ZCCHC17: variants seen among roughly 807,000 people sequenced by gnomAD.
ZCCHC17 encodes zinc finger CCHC domain-containing protein 17.
ZCCHC17 carries 18 observed loss-of-function variants against 30.6 expected under a neutral mutation model. That is an observed-to-expected ratio of 0.59 (90% CI 0.41 to 0.87). The LOEUF (loss-of-function observed/expected upper bound fraction) is 0.87, where lower values mean the gene tolerates loss of function less well. ZCCHC17 is among the 40% of genes least tolerant of loss of function. The probability of loss-of-function intolerance (pLI) is 0.00; values close to 1 mark genes in which losing one functional copy is unlikely to be tolerated. For missense variants in ZCCHC17, 263 were observed against 284.2 expected (o/e 0.93, Z 0.54); for synonymous variants, 88 against 92.4 (o/e 0.95, Z 0.27).
intron 3 of ZCCHC17, among the ~76,000 whole-genome samples, chr1:31,325,752 C>A (rs970835716): frequency 6.6e-6 from 1 of 152,246 alleles, no homozygotes; most frequent in African/African-American, 2.4e-5. Context: ...ATGCAGCCTG[C>A]CAGGCCAAGT....
intron 2 of ZCCHC17, among the ~76,000 whole-genome samples, chr1:31,316,827 G>T (rs1646744372): frequency 6.6e-6 from 1 of 152,016 alleles, no homozygotes; most frequent in African/African-American, 2.4e-5. Context: ...AGAACTTTTG[G>T]TTCGTAACCC....
In ZCCHC17 at chr1:31,303,320, CATT is replaced by C. The variant is rs1394261617; in HGVS notation, c.-56+6249_-56+6251del. On this transcript the variant is annotated intron_variant, in intron 1 of 7. Coordinates refer to ENST00000344147, the MANE Select transcript of ZCCHC17 (RefSeq NM_016505.4). Reference sequence around the variant, plus strand: ...AAGCAAACAGTGCAGGCTCTGGAGTCATTATTCTGTCTCTGTTCATATCCTAGT... The same window carrying C: ...AAGCAAACAGTGCAGGCTCTGGAGTCATTCTGTCTCTGTTCATATCCTAGT... Among the ~76,000 whole-genome samples, 4 of 152,242 alleles carry C rather than the reference CATT, an allele frequency of 2.6e-5. No individual in the cohort carries two copies. In the East Asian group the frequency reaches 7.7e-4, roughly 29 times the overall value.
intron 3 of ZCCHC17, among the ~76,000 whole-genome samples, chr1:31,336,006 T>C (rs1197829502): frequency 6.6e-6 from 1 of 152,220 alleles, no homozygotes; most frequent in Non-Finnish European, 1.5e-5. Context: ...TTTATGGTTC[T>C]TATATATTTT....
rs756450998 is a variant in ZCCHC17, at chr1:31,310,110, A to G, written c.12A>G (p.Gly4=). The G allele has an allele frequency of 2.8e-5, 45 of 1,613,916 alleles. No homozygotes were observed. The highest frequency in any genetic ancestry group is 3.6e-5 in the Non-Finnish European group (42 of 1,179,948). ...ATAGAATATTAAGGATGAATTCAGG[A>G]AGGCCTGAGACCATGGAAAACTTGC... MNS[G]RPETMENLPA... Residue 4 remains glycine, a synonymous_variant, in exon 2 of 8, where the codon GGA becomes GGG. Transcript: ENST00000344147.
At chr1:31,354,129 T>A (rs1253274543) in intron 7 of ZCCHC17, among the ~76,000 whole-genome samples, 1 of 152,194 alleles carries the variant, frequency 6.6e-6, no homozygotes, top group East Asian at 1.9e-4. Flanking sequence ...CATTTTGTAA[T>A]TTTCTGTATA....
Position 31,319,135 on chromosome 1 carries a change from C to G in ZCCHC17, c.93C>G (p.Ala31=). The G allele has an allele frequency of 6.2e-7, 1 of 1,610,468 alleles. No homozygotes were observed. The highest frequency in any genetic ancestry group is 1.7e-4 in the Middle Eastern group (1 of 6,036). Residue 31 remains alanine, a synonymous_variant, in exon 3 of 8, where the codon GCC becomes GCG. Transcript: ENST00000344147. ...GEVAMVTDYG[A]FIKIPGCRKQ... is the part of the protein sequence containing the mutation. ...TTGCTATGGTGACAGACTATGGGGC[C>G]TTTATCAAAATCCCAGGCTGTCGGA...
rs764936323 is a variant in ZCCHC17, at chr1:31,346,775, TCCTTGTGGATGGAC to T, written c.418+40_418+53del. On this transcript the variant is annotated intron_variant, in intron 6 of 7. Coordinates refer to ENST00000344147, the MANE Select transcript of ZCCHC17 (RefSeq NM_016505.4). ...AGCCTCTGCCCTTTCCACGTTTCTC[TCCTTGTGGATGGAC>T]CCTTTTCTGGAAGAAGGAGGCAGCC... The T allele has an allele frequency of 2.5e-6, 4 of 1,613,350 alleles. No homozygotes were observed. In the South Asian group the frequency reaches 4.4e-5, roughly 18 times the overall value.
intron 7 of ZCCHC17, among the ~76,000 whole-genome samples, chr1:31,357,803 T>C (rs1380022664): frequency 3.3e-5 from 5 of 150,802 alleles, no homozygotes; most frequent in Non-Finnish European, 7.4e-5. Context: ...TTGCCCAGGC[T>C]GGAGTGCAAT....
intron 3 of ZCCHC17, chr1:31,333,223 A>T (rs1016204355): frequency 6.6e-6 from 1 of 152,182 alleles, no homozygotes; most frequent in South Asian, 2.1e-4. Flanking sequence ...ATAAAATAAT[A>T]AAATAGAATT....
At chr1:31,299,387 TC>T (rs1646251115) in intron 1 of ZCCHC17, among the ~76,000 whole-genome samples, 1 of 152,244 alleles carries the variant, frequency 6.6e-6, no homozygotes, top group Non-Finnish European at 1.5e-5. Context: ...AGAAAACCTT[TC>T]TGGGTATGGC....
At chr1:31,323,335 T>TTC (rs1186989692) in intron 3 of ZCCHC17, among the ~76,000 whole-genome samples, 12 of 151,402 alleles carry the variant, frequency 7.9e-5, no homozygotes, top group Non-Finnish European at 1.8e-4. Flanking sequence ...TTCTTTTTTT[T>TTC]TTTTGAGACG....
chr1:31,345,029 T>A (rs1639191474), intron 5 of ZCCHC17, among the ~76,000 whole-genome samples: 1 of 151,658 alleles, frequency 6.6e-6, no homozygotes, highest in South Asian at 2.1e-4. Flanking sequence ...TGGCTATTTT[T>A]TTTTTTTTTT....
At chr1:31,314,025 G>A (rs573516857) in intron 2 of ZCCHC17, among the ~76,000 whole-genome samples, 2 of 152,136 alleles carry the variant, frequency 1.3e-5, no homozygotes, top group East Asian at 1.9e-4. Context: ...CACCACGCCC[G>A]GCTAATTTTT....
chr1:31,337,326 G>C, intron 4 of ZCCHC17, 51 bp downstream of exon 4: 1 of 1,517,320 alleles, frequency 6.6e-7, no homozygotes, highest in Non-Finnish European at 9.1e-7. Context: ...GGAAGAGCTG[G>C]GATTTTTGAT....
intron 1 of ZCCHC17, among the ~76,000 whole-genome samples, chr1:31,307,678 A>G (rs1226164458): frequency 6.6e-6 from 1 of 151,634 alleles, no homozygotes; most frequent in Admixed American, 6.6e-5. Flanking sequence ...GGGTTCAAGC[A>G]ATTCCCCTGC....
Position 31,361,787 on chromosome 1 carries a change from T to C in ZCCHC17, c.565-2245T>C, listed in dbSNP as rs547998463. Among the ~76,000 whole-genome samples the C allele has an allele frequency of 3.1e-4, 16 of 50,820 alleles. 1 individual carries two copies. The South Asian group carries it at 0.015, about 48-fold the overall frequency. The allele number at this position is 50,820 out of a possible 152,430, so 33.3% of individuals were successfully genotyped here. A position where few individuals can be genotyped will look rare whatever the true frequency, so the allele number is the denominator to read the frequency against. On this transcript the variant is annotated intron_variant, in intron 7 of 7. Coordinates refer to ENST00000344147, the MANE Select transcript of ZCCHC17 (RefSeq NM_016505.4). The stretch of plus-strand genomic sequence containing the variant: ...TGTTTTTTTTGGGGAGAGGGGGAGA[T>C]TATTTATTTATTTATTTATTTATTT...
chr1:31,339,001 C>T lies in ZCCHC17; in HGVS notation c.270C>T (p.Val90=). Residue 90 remains valine, a synonymous_variant, in exon 5 of 8, where the codon GTC becomes GTT. Coordinates refer to ENST00000344147, the MANE Select transcript of ZCCHC17 (RefSeq NM_016505.4). ...RIKVSLSMKV[V]NQGTGKDLDP... is the part of the protein sequence containing the mutation. ...AAGTATCCCTCTCCATGAAGGTTGT[C>T]AATCAAGGGACTGGGAAAGACCTTG... 6.2e-7 allele frequency: 1 copy of T among 1,612,776 alleles called. No homozygotes were observed. The highest frequency in any genetic ancestry group is 8.5e-7 in the Non-Finnish European group (1 of 1,179,710).
chr1:31,352,596 G>A (rs115747111), intron 7 of ZCCHC17, among the ~76,000 whole-genome samples: 1 of 152,086 alleles, frequency 6.6e-6, no homozygotes, highest in Non-Finnish European at 1.5e-5. Context: ...TGATCCAGGA[G>A]TGTGCCACCA....
At chr1:31,315,046 A>G (rs1217843782) in intron 2 of ZCCHC17, among the ~76,000 whole-genome samples, 2 of 151,472 alleles carry the variant, frequency 1.3e-5, no homozygotes, top group African/African-American at 2.4e-5. Context: ...TGTTGGTACA[A>G]CTCTGTTACA....
Sources: gnomAD v4.1 joint callset for allele counts (sites outside exome capture counted in the v4.1 genomes callset) on GRCh38, gnomAD v4.1.1 for gene constraint, MANE v1.5 for transcripts, NCBI Gene and HGNC (gene_info 2026-07-23, HGNC 2026-07-21) for gene names.